Variants in B3GALT1 observed in about 807,000 individuals in gnomAD.
The protein encoded by B3GALT1 is beta-1,3-galactosyltransferase 1.
A neutral mutation model predicts 23.2 loss-of-function variants in B3GALT1; 10 were observed. The ratio of observed to expected loss-of-function variants is 0.43; its 90% confidence interval spans 0.27 to 0.73. The LOEUF (loss-of-function observed/expected upper bound fraction) is 0.73. B3GALT1 is among the 30% of genes least tolerant of loss of function. B3GALT1 has a pLI of 0.21. For missense variants in B3GALT1, 299 were observed against 405.4 expected (o/e 0.74, Z 2.25); for synonymous variants, 156 against 141.5 (o/e 1.10, Z -0.73).
intron 1 of B3GALT1, among the ~76,000 whole-genome samples, chr2:167,455,114 T>C (rs955403303): frequency 1.1e-4 from 16 of 152,358 alleles, no homozygotes; most frequent in African/African-American, 3.8e-4. Context: ...TATCCACATA[T>C]GGATTTCCAT....
chr2:167,557,205 T>C (rs1372957468), intron 2 of B3GALT1, among the ~76,000 whole-genome samples: 1 of 152,112 alleles, frequency 6.6e-6, no homozygotes, highest in Admixed American at 6.6e-5. Context: ...TGGAGATGGG[T>C]TGTGTGATCA....
chr2:167,846,207 G>C (rs1324459581), intron 4 of B3GALT1, among the ~76,000 whole-genome samples: 1 of 152,106 alleles, frequency 6.6e-6, no homozygotes, highest in Non-Finnish European at 1.5e-5. Flanking sequence ...AAACTTCCCT[G>C]CCTTGCTAGA....
chr2:167,699,864 C>A (rs778234627), intron 3 of B3GALT1, among the ~76,000 whole-genome samples: 3 of 152,126 alleles, frequency 2.0e-5, no homozygotes, highest in Non-Finnish European at 4.4e-5. Context: ...AGGCACCCGC[C>A]ACCATACCTG....
At chr2:167,555,317 T>C (rs1164686903) in intron 2 of B3GALT1, among the ~76,000 whole-genome samples, 4 of 152,156 alleles carry the variant, frequency 2.6e-5, no homozygotes, top group African/African-American at 9.7e-5. Context: ...ACATAGTGAG[T>C]GTCCTTATCT....
chr2:167,296,468 C>T (rs530195310), intron 1 of B3GALT1, among the ~76,000 whole-genome samples: 1 of 152,202 alleles, frequency 6.6e-6, no homozygotes, highest in South Asian at 2.1e-4. Flanking sequence ...TTTTCTTTGT[C>T]TCTTTCAGTC....
At chr2:167,439,946 T>C (rs1180663718) in intron 1 of B3GALT1, among the ~76,000 whole-genome samples, 1 of 152,148 alleles carries the variant, frequency 6.6e-6, no homozygotes, top group Non-Finnish European at 1.5e-5. Flanking sequence ...AACAATTATT[T>C]GGAGTTAAAT....
At chr2:167,740,917 A>G (rs894069002) in intron 3 of B3GALT1, among the ~76,000 whole-genome samples, 6 of 152,182 alleles carry the variant, frequency 3.9e-5, no homozygotes, top group Non-Finnish European at 5.9e-5. Context: ...CTGGTAAATA[A>G]GCCAGTTCCT....
At chr2:167,692,522 T>G (rs918595117) in intron 3 of B3GALT1, among the ~76,000 whole-genome samples, 2 of 152,114 alleles carry the variant, frequency 1.3e-5, no homozygotes, top group African/African-American at 4.8e-5. Context: ...TTAAAAAATT[T>G]TAGAGCTCAG....
intron 4 of B3GALT1, among the ~76,000 whole-genome samples, chr2:167,820,219 G>GA (rs1491017233): frequency 6.6e-6 from 1 of 152,156 alleles, no homozygotes; most frequent in Non-Finnish European, 1.5e-5. Flanking sequence ...AAACAAAACA[G>GA]AAAATAAATA....
intron 1 of B3GALT1, among the ~76,000 whole-genome samples, chr2:167,299,143 C>G (rs909936376): frequency 1.3e-5 from 2 of 152,086 alleles, no homozygotes; most frequent in African/African-American, 4.8e-5. Flanking sequence ...TAGTCTTTGG[C>G]TATGAGATGT....
chr2:167,396,266 T>C (rs1479850888), intron 1 of B3GALT1, among the ~76,000 whole-genome samples: 2 of 152,106 alleles, frequency 1.3e-5, no homozygotes, highest in Non-Finnish European at 2.9e-5. Context: ...ATCCAAAAGT[T>C]TTTTCATCTT....
At chr2:167,379,612 G>A (rs1267031280) in intron 1 of B3GALT1, among the ~76,000 whole-genome samples, 1 of 152,136 alleles carries the variant, frequency 6.6e-6, no homozygotes, top group African/African-American at 2.4e-5. Flanking sequence ...AGGCAATGTG[G>A]CTGGGCATGT....
At chr2:167,298,358 T>G (rs1696390667) in intron 1 of B3GALT1, among the ~76,000 whole-genome samples, 1 of 152,144 alleles carries the variant, frequency 6.6e-6, no homozygotes, top group African/African-American at 2.4e-5. Context: ...AGTTCTACAT[T>G]TTGTAAAATA....
rs1409832800 is a variant in B3GALT1 at position 167,626,166 on chromosome 2, AT to A, written c.-409-20740del. Among the ~76,000 whole-genome samples, 8 of 151,316 alleles carry A rather than the reference AT, an allele frequency of 5.3e-5. No individual in the cohort carries two copies. In the East Asian group the frequency reaches 1.6e-3, roughly 30 times the overall value. ...TAAAAACTATTTAAGTAAATACCAT[AT>A]TTATTTTTTGGTGTTAAAGTGACAG... is the stretch of plus-strand genomic sequence containing the variant. On this transcript the variant is annotated intron_variant, in intron 2 of 4. Coordinates refer to ENST00000392690, the MANE Select transcript of B3GALT1 (RefSeq NM_020981.4).
chr2:167,594,293 A>G (rs1288459293), intron 2 of B3GALT1, among the ~76,000 whole-genome samples: 1 of 152,222 alleles, frequency 6.6e-6, no homozygotes, highest in Non-Finnish European at 1.5e-5. Context: ...TCAGTAAACC[A>G]TAGGTCGTTT....
At chr2:167,467,569 T>C (rs1460089679) in intron 1 of B3GALT1, among the ~76,000 whole-genome samples, 1 of 152,208 alleles carries the variant, frequency 6.6e-6, no homozygotes, top group Admixed American at 6.5e-5. Context: ...GGCAGAGTTG[T>C]GTTCCTTGTA....
intron 4 of B3GALT1, among the ~76,000 whole-genome samples, chr2:167,839,039 G>A (rs1392641315): frequency 6.6e-6 from 1 of 152,296 alleles, no homozygotes; most frequent in East Asian, 1.9e-4. Context: ...AAAATAATAA[G>A]AGCTATCTAT....
At chr2:167,399,880 G>A (rs1422278141) in intron 1 of B3GALT1, among the ~76,000 whole-genome samples, 1 of 152,026 alleles carries the variant, frequency 6.6e-6, no homozygotes, top group African/African-American at 2.4e-5. Flanking sequence ...TGCTTTCTCA[G>A]AAGGAGGAAT....
intron 2 of B3GALT1, among the ~76,000 whole-genome samples, chr2:167,606,064 A>AG (rs1684957257): frequency 6.6e-6 from 1 of 152,204 alleles, no homozygotes; most frequent in Non-Finnish European, 1.5e-5. Flanking sequence ...TATTTTTTAA[A>AG]GCGTATAAGG....
Sources: allele counts gnomAD v4.1 joint callset (sites outside exome capture counted in the v4.1 genomes callset), GRCh38; gene constraint gnomAD v4.1.1; transcripts MANE v1.5; gene names NCBI Gene and HGNC (gene_info 2026-07-23, HGNC 2026-07-21).